NR5A1: variants seen among roughly 807,000 people sequenced by gnomAD.
NR5A1 encodes nuclear receptor subfamily 5 group A member 1.
In NR5A1, 6 loss-of-function variants were observed where a neutral mutation model predicts 42.7. That is an observed-to-expected ratio of 0.14 (90% confidence interval 0.08 to 0.28). NR5A1 has a LOEUF of 0.28. Ranked by LOEUF, NR5A1 falls within the 10% of genes least tolerant of loss-of-function variation. The pLI is 1.00. For missense variants in NR5A1, 442 were observed against 626.4 expected (o/e 0.71, Z 3.14); for synonymous variants, 274 against 277.5 (o/e 0.99, Z 0.12).
chr9:124,491,017 A>AGCCCCCCCCCCC, intron 6 of NR5A1, 64 bp downstream of exon 6: 5 of 457,440 alleles, frequency 1.1e-5, no homozygotes, highest in Non-Finnish European at 2.1e-5. Context: ...CTCCAGCCTC[A>AGCCCCCCCCCCC]CCCACCCTCC....
At chr9:124,495,267 G>A (rs1398858046) in intron 4 of NR5A1, among the ~76,000 whole-genome samples, 5 of 152,208 alleles carry the variant, frequency 3.3e-5, no homozygotes, top group Non-Finnish European at 7.4e-5. Flanking sequence ...CCATCTCTCC[G>A]TATCTCTCCT....
Position 124,501,455 on chromosome 9 carries a change from C to A in NR5A1, c.245-740G>T, listed in dbSNP as rs536047182. Among the ~76,000 whole-genome samples, 4 of 152,352 alleles carry A rather than the reference C, an allele frequency of 2.6e-5. No homozygotes were observed. The South Asian group carries it at 6.2e-4, about 24-fold the overall frequency. On this transcript the variant is annotated intron_variant, in intron 3 of 6. Coordinates refer to ENST00000373588, the MANE Select transcript of NR5A1 (RefSeq NM_004959.5). This position sits in a 1 kb window ranked among gnomAD's most constrained non-coding sequence, Gnocchi z 4.1. ...CGCCTGGCGAGGAATGTGTCATCAG[C>A]CAGACCCAACAGGTACATCTCTGCA...
intron 6 of NR5A1, among the ~76,000 whole-genome samples, chr9:124,485,502 G>A (rs1832194259): frequency 6.6e-6 from 1 of 152,130 alleles, no homozygotes; most frequent in African/African-American, 2.4e-5. Context: ...GCCCGGGGGT[G>A]GACGGCAGGA....
rs1832504429 is a variant in NR5A1, at chr9:124,503,715, G to T, written c.-15-305C>A. 6.6e-6 allele frequency among the ~76,000 whole-genome samples: 1 copy of T among 152,240 alleles called. No homozygotes were observed. The highest frequency in any genetic ancestry group is 6.5e-5 in the Admixed American group (1 of 15,292). ...GATGCGCTTCGATTGGGATTCGTTT[G>T]TCTGAGAACAAAACCCCGATTCTGA... is the stretch of plus-strand genomic sequence containing the variant. On this transcript the variant is annotated intron_variant, in intron 1 of 6. Transcript: ENST00000373588. The surrounding 1 kb of genome is among the most constrained non-coding windows in gnomAD (Gnocchi z 9.6).
chr9:124,493,396 G>A (rs746382367), intron 4 of NR5A1, among the ~76,000 whole-genome samples: 74 of 152,284 alleles, frequency 4.9e-4, no homozygotes, highest in Non-Finnish European at 7.4e-4. Flanking sequence ...ATGACTTTAC[G>A]TAAGTCCTGG....
At position 124,503,887 on chromosome 9, in the gene NR5A1, G is replaced by C. The variant is rs147520828; in HGVS notation, c.-15-477C>G. On this transcript the variant is annotated intron_variant, in intron 1 of 6. Transcript: ENST00000373588. This position sits in a 1 kb window ranked among gnomAD's most constrained non-coding sequence, Gnocchi z 9.6. ...GCCAGAGATGGGAAGAAACTCTGGC[G>C]AGAGACAACGACCGACGCCACCGGG... Among the ~76,000 whole-genome samples, 2 of 152,088 alleles carry C rather than the reference G, an allele frequency of 1.3e-5. No individual in the cohort carries two copies. Among genetic ancestry groups the C allele is most frequent in the African/African-American group, 4.8e-5 (2 of 41,398 alleles).
intron 4 of NR5A1, among the ~76,000 whole-genome samples, chr9:124,494,121 C>T (rs1238314620): frequency 4.6e-5 from 7 of 152,244 alleles, no homozygotes; most frequent in Admixed American, 4.6e-4. Flanking sequence ...CCATCCCTCT[C>T]AGCCCGTGCC....
At chr9:124,497,452 T>C (rs1419718293) in intron 4 of NR5A1, among the ~76,000 whole-genome samples, 1 of 152,090 alleles carries the variant, frequency 6.6e-6, no homozygotes. Context: ...CCATACCAGC[T>C]GGGAAAGAAG....
In NR5A1 at chr9:124,500,993, T is replaced by C; in HGVS notation, c.245-278A>G. 2 of 708,038 alleles carry C rather than the reference T, an allele frequency of 2.8e-6. No homozygotes were observed. 43.9% of individuals were successfully genotyped at this position (708,038 alleles called of 1,614,324 possible). ...CATCTCCTTCCTCCTCCACCCTGCC[T>C]TTCATTTTCCTTCTGACTCAAACTT... On this transcript the variant is annotated intron_variant, in intron 3 of 6. Transcript: ENST00000373588. The surrounding 1 kb of genome is among the most constrained non-coding windows in gnomAD (Gnocchi z 6.9).
At chr9:124,494,703 C>A (rs549345009) in intron 4 of NR5A1, among the ~76,000 whole-genome samples, 1 of 152,040 alleles carries the variant, frequency 6.6e-6, no homozygotes, top group Non-Finnish European at 1.5e-5. Context: ...CACTCCCCAC[C>A]TGGGGCCAGA....
chr9:124,486,285 C>T (rs1832207624), intron 6 of NR5A1, among the ~76,000 whole-genome samples: 1 of 152,204 alleles, frequency 6.6e-6, no homozygotes, highest in African/African-American at 2.4e-5. Flanking sequence ...TCCAGAAGCC[C>T]AGACCCAGTT....
chr9:124,503,317 G>A lies in NR5A1; in HGVS notation c.79C>T (p.Leu27=), dbSNP rs1348240570. ...ACCTTGCAGCTCTCACACGTGAGCA[G>A]TCCGTAGTGGTAGCCGGACACCTTG... ...GDKVSGYHYG[L]LTCESCKGFF... Residue 27 remains leucine, a synonymous_variant, in exon 2 of 7, where the codon CTG becomes TTG. Transcript: ENST00000373588. This position sits in a 1 kb window ranked among gnomAD's most constrained non-coding sequence, Gnocchi z 9.6. 1 of 1,611,812 alleles carries A rather than the reference G, an allele frequency of 6.2e-7. No homozygotes were observed. The highest frequency in any genetic ancestry group is 1.7e-5 in the Admixed American group (1 of 59,886).
chr9:124,485,274 T>C (rs2131271308), intron 6 of NR5A1, among the ~76,000 whole-genome samples: 1 of 152,068 alleles, frequency 6.6e-6, no homozygotes, highest in South Asian at 2.1e-4. Flanking sequence ...GCTCAGAAAA[T>C]GGTCATCCAC....
At position 124,498,746 on chromosome 9, in the gene NR5A1, G is replaced by A. The variant is rs951283195; in HGVS notation, c.870+1344C>T. Reference sequence around the variant, plus strand: ...AGGCGGGCAGTGTTGAGAAGGGGCTGGGGTGAGAAACCCACCCCATGACAG... The same window carrying A: ...AGGCGGGCAGTGTTGAGAAGGGGCTAGGGTGAGAAACCCACCCCATGACAG... On this transcript the variant is annotated intron_variant, in intron 4 of 6. Coordinates refer to ENST00000373588, the MANE Select transcript of NR5A1 (RefSeq NM_004959.5). This position sits in a 1 kb window ranked among gnomAD's most constrained non-coding sequence, Gnocchi z 4.6. Among the ~76,000 whole-genome samples, 1 of 152,202 alleles carries A rather than the reference G, an allele frequency of 6.6e-6. No individual in the cohort carries two copies. Among genetic ancestry groups the A allele is most frequent in the Non-Finnish European group, 1.5e-5 (1 of 68,022 alleles).
In NR5A1 at chr9:124,493,113, T is replaced by A. The variant is rs1832341711; in HGVS notation, c.907A>T (p.Ser303Cys). 6.2e-7 allele frequency: 1 copy of A among 1,612,044 alleles called. No homozygotes were observed. Among genetic ancestry groups the A allele is most frequent in the Non-Finnish European group, 8.5e-7 (1 of 1,179,604 alleles). Reference protein sequence around the residue: ...DQMTLLQNCWSELLVFDHIYR... With the variant: ...DQMTLLQNCWCELLVFDHIYR... ...ATGTGGTCGAACACCAGCAGCTCGC[T>A]CCAGCAGTTCTGCAGCAGCGTCATC... is the stretch of plus-strand genomic sequence containing the variant. The change falls in exon 5 of 7, where the codon AGC (serine) becomes TGC (cysteine). Residue 303 changes from serine (S) to cysteine (C), a missense_variant. Ser to Cys is a moderately radical substitution (Grantham distance 112). Transcript: ENST00000373588.
rs776942073 is a variant in NR5A1 at position 124,500,645 on chromosome 9, C to T, written c.315G>A (p.Leu105=). The change falls in exon 4 of 7, where the codon CTG becomes CTA. Residue 105 remains leucine (L), a synonymous_variant. Coordinates refer to ENST00000373588, the MANE Select transcript of NR5A1 (RefSeq NM_004959.5). This position sits in a 1 kb window ranked among gnomAD's most constrained non-coding sequence, Gnocchi z 6.9. ...FGPMYKRDRA[L]KQQKKAQIRA... ...GAATCTGTGCCTTCTTCTGCTGTTT[C>T]AGGGCCCGGTCCCGCTTGTACATCG... The T allele has an allele frequency of 1.2e-6, 2 of 1,613,406 alleles. No individual in the cohort carries two copies. The highest frequency in any genetic ancestry group is 1.1e-5 in the South Asian group (1 of 91,082).
intron 6 of NR5A1, 66 bp downstream of exon 6, chr9:124,491,015 T>TCGCCCCC (rs1832298599): frequency 7.9e-6 from 5 of 634,816 alleles, no homozygotes; most frequent in Non-Finnish European, 1.4e-5. Context: ...CTCTCCAGCC[T>TCGCCCCC]CACCCACCCT....
At chr9:124,497,077 G>A (rs766884474) in intron 4 of NR5A1, among the ~76,000 whole-genome samples, 1 of 152,130 alleles carries the variant, frequency 6.6e-6, no homozygotes, top group African/African-American at 2.4e-5. Context: ...CTGCCTCCCC[G>A]CCAAGGCCTG....
intron 1 of NR5A1, among the ~76,000 whole-genome samples, chr9:124,504,475 C>A (rs1296546763): frequency 6.6e-6 from 1 of 151,886 alleles, no homozygotes; most frequent in Non-Finnish European, 1.5e-5. Flanking sequence ...GCGACGGCAA[C>A]GGGAGGCGCA....
Sources: allele counts gnomAD v4.1 joint callset (sites outside exome capture counted in the v4.1 genomes callset), GRCh38; gene constraint gnomAD v4.1.1; non-coding constraint Gnocchi (gnomAD v3.1); transcripts MANE v1.5; gene names NCBI Gene and HGNC (gene_info 2026-07-23, HGNC 2026-07-21).